Variants in ZNF710 observed in about 807,000 individuals in gnomAD.
ZNF710 encodes the protein zinc finger protein 710.
Under a neutral mutation model 50.6 loss-of-function variants are expected in ZNF710, and 13 were observed. That is an observed-to-expected ratio of 0.26 (90% CI 0.17 to 0.41). ZNF710 has a LOEUF of 0.41. Ranked by LOEUF, ZNF710 falls within the 10% of genes least tolerant of loss-of-function variation. The probability of loss-of-function intolerance (pLI) is 1.00; values close to 1 mark genes in which losing one functional copy is unlikely to be tolerated. For synonymous variants in ZNF710, 383 were observed against 397.0 expected, an observed-to-expected ratio of 0.96 and a Z score of 0.42; for missense variants, 721 against 936.6, an observed-to-expected ratio of 0.77 and a Z score of 3.01.
At chr15:90,041,755 C>T (rs961842263) in intron 1 of ZNF710, among the ~76,000 whole-genome samples, 1 of 152,146 alleles carries the variant, frequency 6.6e-6, no homozygotes, top group African/African-American at 2.4e-5. Flanking sequence ...CCTAGGAATG[C>T]ACAGGAGCTG....
intron 1 of ZNF710, among the ~76,000 whole-genome samples, chr15:90,057,221 C>T (rs1899847277): frequency 6.6e-6 from 1 of 151,946 alleles, no homozygotes; most frequent in Non-Finnish European, 1.5e-5. Context: ...AGGTCTGGGC[C>T]CAGCTTCTGT....
At chr15:90,017,381 T>C (rs1010200162) in intron 1 of ZNF710, among the ~76,000 whole-genome samples, 1 of 152,224 alleles carries the variant, frequency 6.6e-6, no homozygotes, top group African/African-American at 2.4e-5. Flanking sequence ...TACAAGGCTG[T>C]AATTTACAGG....
intron 1 of ZNF710, among the ~76,000 whole-genome samples, chr15:90,008,241 C>T (rs1898186978): frequency 6.6e-6 from 1 of 151,754 alleles, no homozygotes. Context: ...TCCCCCATCC[C>T]TAGTGCCTAC....
chr15:90,045,851 G>A (rs957380542), intron 1 of ZNF710, among the ~76,000 whole-genome samples: 13 of 152,148 alleles, frequency 8.5e-5, no homozygotes, highest in Admixed American at 2.6e-4. Flanking sequence ...GAAGAGACGC[G>A]AGGTAGCAGG....
rs1028394373 is a variant in ZNF710, at chr15:90,001,973, G to GAC, written c.-29+360_-29+361insCA. Reference sequence around the variant, plus strand: ...GGGAGGAGAGCGCGCGAATGAGAGAGAGAGAGAGAGAGAGAGAGAGAGAGG... The same window carrying GAC: ...GGGAGGAGAGCGCGCGAATGAGAGAGACAGAGAGAGAGAGAGAGAGAGAGAGG... On this transcript the variant is annotated intron_variant, in intron 1 of 4. Transcript: ENST00000268154. 1.8e-4 allele frequency among the ~76,000 whole-genome samples: 26 copies of GAC among 146,400 alleles called. 1 individual carries two copies. The highest frequency in any genetic ancestry group is 3.2e-4 in the Non-Finnish European group (21 of 66,250).
intron 1 of ZNF710, among the ~76,000 whole-genome samples, chr15:90,065,695 C>T (rs1161062948): frequency 1.3e-5 from 2 of 152,202 alleles, no homozygotes; most frequent in Non-Finnish European, 2.9e-5. Flanking sequence ...GGGAAGAGGC[C>T]GCTGTGCTGG....
intron 1 of ZNF710, among the ~76,000 whole-genome samples, chr15:90,056,466 G>A (rs761755450): frequency 6.6e-6 from 1 of 152,252 alleles, no homozygotes. Flanking sequence ...GGGCCTTGGG[G>A]TCTTGGTTTC....
chr15:90,001,024 G>GA (rs937120502), upstream of ZNF710, among the ~76,000 whole-genome samples: 1 of 151,712 alleles, frequency 6.6e-6, no homozygotes, highest in African/African-American at 2.4e-5. Flanking sequence ...AGAAAAGAAG[G>GA]AAAAAAGGCG....
chr15:90,034,462 GTGTGTGTGT>G lies in ZNF710; in HGVS notation c.-28-32647_-28-32639del, dbSNP rs1055374615. On this transcript the variant is annotated intron_variant, in intron 1 of 4. Coordinates refer to ENST00000268154, the MANE Select transcript of ZNF710 (RefSeq NM_198526.4). This position sits in a 1 kb window ranked among gnomAD's most constrained non-coding sequence, Gnocchi z 4.0. ...TGTGTGTGTGTGTGTGTGTGTGTGT[GTGTGTGTGT>G]GTGTATTCTGTGCCTGTGGTGGTGG... Among the ~76,000 whole-genome samples, 2 of 150,798 alleles carry G rather than the reference GTGTGTGTGT, an allele frequency of 1.3e-5. No homozygotes were observed. The highest frequency in any genetic ancestry group is 4.9e-5 in the African/African-American group (2 of 40,774).
At chr15:90,045,280 G>C (rs1170994048) in intron 1 of ZNF710, 1 of 965,342 alleles carries the variant, frequency 1.0e-6, no homozygotes, top group Non-Finnish European at 1.2e-6. Context: ...TCACTCTACA[G>C]TGACCTCAGA....
chr15:90,047,865 G>A (rs1899518095), intron 1 of ZNF710, among the ~76,000 whole-genome samples: 1 of 152,144 alleles, frequency 6.6e-6, no homozygotes, highest in Non-Finnish European at 1.5e-5. Context: ...GGGATTACAG[G>A]CATGAGCCAC....
chr15:90,056,920 A>C (rs1899837423), intron 1 of ZNF710, among the ~76,000 whole-genome samples: 1 of 152,112 alleles, frequency 6.6e-6, no homozygotes, highest in Admixed American at 6.5e-5. Flanking sequence ...GTTGATTGCC[A>C]GCGAGGGTTC....
rs530614507 is a variant in ZNF710 at position 90,007,857 on chromosome 15, A to G, written c.-29+6243A>G. Among the ~76,000 whole-genome samples, 12 of 152,072 alleles carry G rather than the reference A, an allele frequency of 7.9e-5. No homozygotes were observed. In the East Asian group the frequency reaches 2.1e-3, roughly 27 times the overall value. On this transcript the variant is annotated intron_variant, in intron 1 of 4. Transcript: ENST00000268154. ...ATCTCCCCAGTTGTTCATGTAAAACATAGAAAGCATTTTCCCAAGGAAGCA... is the reference window on the plus strand; with the variant it reads ...ATCTCCCCAGTTGTTCATGTAAAACGTAGAAAGCATTTTCCCAAGGAAGCA...
intron 1 of ZNF710, among the ~76,000 whole-genome samples, chr15:90,053,392 G>A (rs560428758): frequency 6.7e-6 from 1 of 149,954 alleles, no homozygotes; most frequent in South Asian, 2.1e-4. Context: ...TCTGTCACCC[G>A]GGCTGGAGTA....
At chr15:90,047,143 T>C (rs115807915) in intron 1 of ZNF710, among the ~76,000 whole-genome samples, 2 of 151,854 alleles carry the variant, frequency 1.3e-5, no homozygotes, top group Admixed American at 6.6e-5. Context: ...GGTCCGAGTT[T>C]GAGGCAGGCA....
In ZNF710 at chr15:90,059,250, G is replaced by A. The variant is rs772784937; in HGVS notation, c.-28-7860G>A. On this transcript the variant is annotated intron_variant, in intron 1 of 4. Coordinates refer to ENST00000268154, the MANE Select transcript of ZNF710 (RefSeq NM_198526.4). This position sits in a 1 kb window ranked among gnomAD's most constrained non-coding sequence, Gnocchi z 4.1. Reference sequence around the variant, plus strand: ...CAGAGGCCCCAAGGTAGGAAACATCGGTGAGTTGGGGGCAGAGGGGCAGTG... The same window carrying A: ...CAGAGGCCCCAAGGTAGGAAACATCAGTGAGTTGGGGGCAGAGGGGCAGTG... Among the ~76,000 whole-genome samples, 11 of 152,214 alleles carry A rather than the reference G, an allele frequency of 7.2e-5. No homozygotes were observed. The highest frequency in any genetic ancestry group is 1.3e-4 in the Non-Finnish European group (9 of 68,042).
At position 90,032,332 on chromosome 15, in the gene ZNF710, C is replaced by T. The variant is rs1044894666; in HGVS notation, c.-29+30718C>T. Among the ~76,000 whole-genome samples the T allele has an allele frequency of 5.3e-5, 8 of 152,166 alleles. No homozygotes were observed. The South Asian group carries it at 1.7e-3, about 31-fold the overall frequency. ...TTCTCATTAACAGAACGTTCTCTTT[C>T]AACCTCAGCTCCATGGAACTCAGCA... On this transcript the variant is annotated intron_variant, in intron 1 of 4. Coordinates refer to ENST00000268154, the MANE Select transcript of ZNF710 (RefSeq NM_198526.4).
chr15:90,063,975 G>A (rs1467271779), intron 1 of ZNF710, among the ~76,000 whole-genome samples: 2 of 152,232 alleles, frequency 1.3e-5, no homozygotes, highest in African/African-American at 4.8e-5. Flanking sequence ...CACACGGCTA[G>A]TAGACGGCAG....
intron 4 of ZNF710, chr15:90,076,196 C>T (rs1303530154): frequency 6.6e-6 from 1 of 152,196 alleles, no homozygotes; most frequent in African/African-American, 2.4e-5. Flanking sequence ...TGGGAGTCAC[C>T]TGAGGAATGT....
Sources: gnomAD v4.1 joint callset for allele counts (sites outside exome capture counted in the v4.1 genomes callset) on GRCh38, gnomAD v4.1.1 for gene constraint, Gnocchi (gnomAD v3.1) non-coding constraint, MANE v1.5 for transcripts, NCBI Gene and HGNC (gene_info 2026-07-23, HGNC 2026-07-21) for gene names.